Variants in MFN1 observed in about 807,000 individuals in gnomAD.
MFN1 encodes the protein mitofusin-1.
In MFN1, 65 loss-of-function variants were observed where a neutral mutation model predicts 92.4. That is an observed-to-expected ratio of 0.70 (90% CI 0.58 to 0.86). The LOEUF is 0.86. Among genes scored for constraint, MFN1 ranks in the 40% least tolerant of loss-of-function variants. MFN1 has a pLI of 0.00. For missense variants in MFN1, 781 were observed against 868.0 expected, an observed-to-expected ratio of 0.90 and a Z score of 1.26; for synonymous variants, 297 against 300.9, an observed-to-expected ratio of 0.99 and a Z score of 0.13.
intron 16 of MFN1, among the ~76,000 whole-genome samples, chr3:179,387,584 C>CTTTTTTTTTTTTTT (rs769878779): frequency 1.2e-5 from 1 of 82,258 alleles, no homozygotes; most frequent in Non-Finnish European, 2.2e-5. Context: ...TTTGTGGTTT[C>CTTTTTTTTTTTTTT]TTTTTTTTTT....
At chr3:179,372,894 T>G (rs1189557889) in intron 9 of MFN1, among the ~76,000 whole-genome samples, 1 of 152,206 alleles carries the variant, frequency 6.6e-6, no homozygotes, top group Non-Finnish European at 1.5e-5. Flanking sequence ...TAAAATAAAG[T>G]CAATGCATTA....
At chr3:179,366,566 G>GATAAAA (rs1712803541) in intron 7 of MFN1, among the ~76,000 whole-genome samples, 1 of 152,066 alleles carries the variant, frequency 6.6e-6, no homozygotes, top group African/African-American at 2.4e-5. Context: ...TCCCATCACT[G>GATAAAA]TTCACATGAT....
intron 14 of MFN1, among the ~76,000 whole-genome samples, chr3:179,385,149 G>A (rs898698165): frequency 5.3e-5 from 8 of 151,080 alleles, no homozygotes; most frequent in South Asian, 2.1e-4. Context: ...TCCTGACCTC[G>A]AGATCCATCC....
At chr3:179,389,708 G>A (rs945309974) in intron 16 of MFN1, among the ~76,000 whole-genome samples, 4 of 151,924 alleles carry the variant, frequency 2.6e-5, no homozygotes, top group East Asian at 1.9e-4. Context: ...CTTACTTTGC[G>A]CAGGGCCCCA....
chr3:179,367,432 T>C lies in MFN1; in HGVS notation c.754-7T>C, dbSNP rs752261668. ...TTAGAATTCTTTTAATACCGTTTTC[T>C]CTGTAGGTACGCAGACAGCACATGG... On this transcript the variant is annotated splice_polypyrimidine_tract_variant and splice_region_variant and intron_variant, in intron 7 of 17. Coordinates refer to ENST00000471841, the MANE Select transcript of MFN1 (RefSeq NM_033540.3). 7.0e-5 allele frequency: 112 copies of C among 1,598,052 alleles called. 1 individual carries two copies. The South Asian group carries it at 1.2e-3, about 17-fold the overall frequency.
intron 9 of MFN1, 109 bp from the exon 10 acceptor site, chr3:179,375,111 C>T: frequency 1.6e-6 from 2 of 1,222,536 alleles, no homozygotes; most frequent in Non-Finnish European, 2.2e-6. Flanking sequence ...TGTTTTCTAT[C>T]TTTATTTCTG....
intron 7 of MFN1, among the ~76,000 whole-genome samples, chr3:179,365,823 G>A (rs990141298): frequency 1.5e-4 from 23 of 152,278 alleles, no homozygotes; most frequent in African/African-American, 5.3e-4. Context: ...TTTGTCATAT[G>A]TGTCCATATT....
chr3:179,377,482 C>A (rs1447887365), intron 12 of MFN1, 34 bp downstream of exon 12: 1 of 1,319,196 alleles, frequency 7.6e-7, no homozygotes, highest in Non-Finnish European at 1.1e-6. Context: ...TATTCAGAGA[C>A]AGTTTCTTAT....
chr3:179,364,260 A>G (rs1341728675), intron 5 of MFN1, 37 bp from the exon 6 acceptor site: 1 of 1,422,318 alleles, frequency 7.0e-7, no homozygotes. Flanking sequence ...TTTTCTTTTT[A>G]AGAAATATAA....
In MFN1 at chr3:179,394,091, T is replaced by TTTTA. The variant is rs1045631716; in HGVS notation, c.*2033_*2036dup. 1 of 152,180 alleles carries TTTTA rather than the reference T, an allele frequency of 6.6e-6. No homozygotes were observed. Among genetic ancestry groups the TTTTA allele is most frequent in the African/African-American group, 2.4e-5 (1 of 41,430 alleles). 9.4% of individuals were successfully genotyped at this position (152,180 alleles called of 1,614,324 possible). On this transcript the variant is annotated 3_prime_UTR_variant, in exon 18 of 18. Coordinates refer to ENST00000471841, the MANE Select transcript of MFN1 (RefSeq NM_033540.3). ...TTGAACTCACAGACTCAAGTGATCCTTTTACCTCAGCCTCCCAAACTGTTG... is the reference window on the plus strand; with the variant it reads ...TTGAACTCACAGACTCAAGTGATCCTTTTATTTACCTCAGCCTCCCAAACTGTTG...
intron 14 of MFN1, among the ~76,000 whole-genome samples, chr3:179,379,430 T>C (rs1327330228): frequency 6.6e-6 from 1 of 152,196 alleles, no homozygotes; most frequent in Non-Finnish European, 1.5e-5. Context: ...CTTGGCTCAC[T>C]GCAACCTCCA....
intron 9 of MFN1, among the ~76,000 whole-genome samples, chr3:179,370,341 T>C (rs1201204855): frequency 6.6e-6 from 1 of 151,478 alleles, no homozygotes; most frequent in Non-Finnish European, 1.5e-5. Flanking sequence ...CCAGCTCTTA[T>C]GTAATTTATC....
intron 3 of MFN1, 106 bp downstream of exon 3, chr3:179,352,141 C>T: frequency 8.1e-7 from 1 of 1,228,560 alleles, no homozygotes; most frequent in Non-Finnish European, 1.1e-6. Context: ...CCGCAAGTTT[C>T]TGCCTGTGTT....
At chr3:179,374,444 T>G (rs1460084598) in intron 9 of MFN1, among the ~76,000 whole-genome samples, 1 of 106,836 alleles carries the variant, frequency 9.4e-6, no homozygotes, top group Non-Finnish European at 1.8e-5. Context: ...TATTGAAAAT[T>G]GAAACAAATG....
At chr3:179,367,651 G>A (rs988077233) in intron 8 of MFN1, 59 bp downstream of exon 8, 3 of 1,442,344 alleles carry the variant, frequency 2.1e-6, no homozygotes, top group Non-Finnish European at 2.8e-6. Flanking sequence ...TTGGCTGGGT[G>A]CGGTGGCTCA....
chr3:179,369,856 G>A (rs1372540997), intron 9 of MFN1, among the ~76,000 whole-genome samples: 1 of 152,094 alleles, frequency 6.6e-6, no homozygotes, highest in African/African-American at 2.4e-5. Flanking sequence ...TGGTCCATTT[G>A]GGATTCTAAA....
intron 17 of MFN1, among the ~76,000 whole-genome samples, chr3:179,391,750 C>A (rs918109303): frequency 6.6e-6 from 1 of 152,098 alleles, no homozygotes; most frequent in Admixed American, 6.5e-5. Flanking sequence ...CTGCTACTTT[C>A]CTTGTATGTC....
At chr3:179,350,993 T>TG (rs1712124229) in intron 2 of MFN1, among the ~76,000 whole-genome samples, 1 of 152,172 alleles carries the variant, frequency 6.6e-6, no homozygotes, top group African/African-American at 2.4e-5. Context: ...TTAGTAGAGA[T>TG]GGTGTTTTAC....
intron 14 of MFN1, among the ~76,000 whole-genome samples, chr3:179,379,864 T>G (rs1298599252): frequency 1.3e-5 from 2 of 152,152 alleles, no homozygotes; most frequent in East Asian, 3.9e-4. Context: ...AAAGTTGTTC[T>G]TTAGGACTAA....
Sources: allele counts gnomAD v4.1 joint callset (sites outside exome capture counted in the v4.1 genomes callset), GRCh38; gene constraint gnomAD v4.1.1; transcripts MANE v1.5; gene names NCBI Gene and HGNC (gene_info 2026-07-23, HGNC 2026-07-21).